The following AGBL1 variants were observed in gnomAD, a reference collection of about 807,000 sequenced individuals.
AGBL1 encodes the protein AGBL carboxypeptidase 1.
Under a neutral mutation model 118.9 loss-of-function variants are expected in AGBL1, and 130 were observed. The observed-to-expected ratio is 1.09, with a 90% CI of 0.95 to 1.26. The LOEUF is 1.26. AGBL1 is among the 50% of genes most tolerant of loss of function. AGBL1 has a pLI of 0.00. For synonymous variants in AGBL1, 555 were observed against 478.9 expected (o/e 1.16, Z -2.08); for missense variants, 1,584 against 1,298.1 (o/e 1.22, Z -3.38).
intron 17 of AGBL1, among the ~76,000 whole-genome samples, chr15:86,320,733 G>A (rs1341563483): frequency 2.6e-5 from 4 of 151,916 alleles, no homozygotes; most frequent in Non-Finnish European, 5.9e-5. Context: ...GTGTGTGTGT[G>A]TGTGTGTGTG....
At chr15:86,886,949 A>G (rs1335613921) in intron 22 of AGBL1, among the ~76,000 whole-genome samples, 1 of 152,148 alleles carries the variant, frequency 6.6e-6, no homozygotes, top group East Asian at 1.9e-4. Context: ...AGTCTCCAAA[A>G]CAGAAGATGA....
intron 22 of AGBL1, among the ~76,000 whole-genome samples, chr15:86,767,248 T>A (rs1353604228): frequency 6.6e-6 from 1 of 151,940 alleles, no homozygotes. Context: ...CCTCCGGTCA[T>A]CACTCTAGTA....
In AGBL1 at chr15:86,907,633, G is replaced by A. The variant is rs1483612794; in HGVS notation, c.*339G>A. ...CATTCTTGTGCTTGAACTGGAGCAA[G>A]CTGGAAGTAGAGGAGTTGGGCTTCT... On this transcript the variant is annotated 3_prime_UTR_variant, in exon 23 of 23. Coordinates refer to ENST00000614907, the MANE Select transcript of AGBL1 (RefSeq NM_001386094.1). 2.6e-5 allele frequency: 4 copies of A among 152,190 alleles called. No homozygotes were observed. The highest frequency in any genetic ancestry group is 9.7e-5 in the African/African-American group (4 of 41,434). 9.4% of individuals were successfully genotyped at this position (152,190 alleles called of 1,614,324 possible).
intron 1 of AGBL1, among the ~76,000 whole-genome samples, chr15:86,100,377 T>C (rs1896640547): frequency 6.6e-6 from 1 of 152,166 alleles, no homozygotes; most frequent in South Asian, 2.1e-4. Context: ...CCTCTTCAAT[T>C]TTTTGGAATA....
At chr15:86,961,298 C>T (rs961406932) in intron 23 of AGBL1, among the ~76,000 whole-genome samples, 1 of 151,888 alleles carries the variant, frequency 6.6e-6, no homozygotes, top group Non-Finnish European at 1.5e-5. Flanking sequence ...ATAAATCTAC[C>T]CAGGCTTTAG....
intron 22 of AGBL1, among the ~76,000 whole-genome samples, chr15:86,736,061 T>C (rs2141225268): frequency 6.6e-6 from 1 of 152,178 alleles, no homozygotes; most frequent in South Asian, 2.1e-4. Flanking sequence ...AGCTCAGCAT[T>C]GCAAAGGAGA....
chr15:86,412,226 A>G (rs181855532), intron 18 of AGBL1, among the ~76,000 whole-genome samples: 5 of 152,326 alleles, frequency 3.3e-5, no homozygotes, highest in Admixed American at 2.0e-4. Context: ...CAAGTCGAGG[A>G]CACAGTACAC....
rs1226597325 is a variant in AGBL1 at position 86,989,332 on chromosome 15, A to C, written c.3323+1244A>C. Among the ~76,000 whole-genome samples the C allele has an allele frequency of 4.6e-5, 7 of 152,152 alleles. No individual in the cohort carries two copies. The South Asian group carries it at 1.2e-3, about 27-fold the overall frequency. The stretch of plus-strand genomic sequence containing the variant: ...TGTGATTTTTAAATCAATGCTTCTA[A>C]GCTTTTACTGTAAAGTCTGATGGAT... On this transcript the variant is annotated intron_variant, in intron 24 of 24. Coordinates refer to the AGBL1 transcript ENST00000441037.
At chr15:86,983,165 A>G (rs1224443214) in intron 23 of AGBL1, among the ~76,000 whole-genome samples, 2 of 152,026 alleles carry the variant, frequency 1.3e-5, no homozygotes, top group East Asian at 1.9e-4. Context: ...TTTTGAATGT[A>G]TATTGATCTT....
At chr15:86,117,859 T>G (rs1045273622) in intron 1 of AGBL1, among the ~76,000 whole-genome samples, 2 of 152,142 alleles carry the variant, frequency 1.3e-5, no homozygotes, top group African/African-American at 4.8e-5. Context: ...GGACCTGTGA[T>G]TTGGTGATTT....
At chr15:86,807,726 T>C (rs576871977) in intron 22 of AGBL1, among the ~76,000 whole-genome samples, 22 of 152,168 alleles carry the variant, frequency 1.4e-4, no homozygotes, top group Admixed American at 1.3e-3. Flanking sequence ...TGGAAGTGAA[T>C]CCTCACTCTG....
At chr15:86,715,378 C>T (rs1054889294) in intron 22 of AGBL1, among the ~76,000 whole-genome samples, 1 of 152,216 alleles carries the variant, frequency 6.6e-6, no homozygotes, top group African/African-American at 2.4e-5. Flanking sequence ...CTGCCCCTCA[C>T]ACAGCTACAA....
chr15:86,385,640 G>A (rs940807424), intron 17 of AGBL1, among the ~76,000 whole-genome samples: 5 of 152,128 alleles, frequency 3.3e-5, no homozygotes, highest in Non-Finnish European at 7.3e-5. Flanking sequence ...ACATCCTCAG[G>A]GTTTGGTATA....
rs76625634 is a variant in AGBL1 at position 86,806,740 on chromosome 15, A to G, written c.3159-100347A>G. ...GTGCTGCTACTTATAAAGTAATATAAAAGTTCTCATTATTATTTTATATTA... is the reference window on the plus strand; with the variant it reads ...GTGCTGCTACTTATAAAGTAATATAGAAGTTCTCATTATTATTTTATATTA... On this transcript the variant is annotated intron_variant, in intron 22 of 22. Coordinates refer to ENST00000614907, the MANE Select transcript of AGBL1 (RefSeq NM_001386094.1). Among the ~76,000 whole-genome samples the G allele has an allele frequency of 4.9e-3, 740 of 151,608 alleles. 8 individuals carry two copies. The highest frequency in any genetic ancestry group is 0.017 in the African/African-American group (700 of 41,450).
chr15:86,197,618 C>A (rs543169117), intron 5 of AGBL1, among the ~76,000 whole-genome samples: 1 of 152,114 alleles, frequency 6.6e-6, no homozygotes, highest in South Asian at 2.1e-4. Flanking sequence ...AAGAAATTGA[C>A]AAAGGAATTG....
At chr15:86,470,289 GACTATCTAGTTTTTTC>G (rs1268579167) in intron 18 of AGBL1, among the ~76,000 whole-genome samples, 3 of 152,082 alleles carry the variant, frequency 2.0e-5, no homozygotes, top group Non-Finnish European at 2.9e-5. Context: ...TTTTGCATGT[GACTATCTAGTTTTTTC>G]AAAATCAATT....
At chr15:86,947,500 T>C (rs1055854911) in intron 23 of AGBL1, among the ~76,000 whole-genome samples, 6 of 152,234 alleles carry the variant, frequency 3.9e-5, no homozygotes, top group South Asian at 2.1e-4. Flanking sequence ...TGCCTGATCA[T>C]GGCTTCAGGG....
At position 86,095,646 on chromosome 15, in the gene AGBL1, C is replaced by CTTTTTTTTTTTTTTTTTTTTTTTTTT. The variant is rs1896319963; in HGVS notation, c.51+15623_51+15624insTTTTTTTTTTTTTTTTTTTTTTTTTT. Among the ~76,000 whole-genome samples, 9 of 116,684 alleles carry CTTTTTTTTTTTTTTTTTTTTTTTTTT rather than the reference C, an allele frequency of 7.7e-5. 4 individuals carry two copies. Among genetic ancestry groups the CTTTTTTTTTTTTTTTTTTTTTTTTTT allele is most frequent in the African/African-American group, 9.4e-5 (3 of 31,940 alleles). 76.5% of individuals were successfully genotyped at this position (116,684 alleles called of 152,430 possible). On this transcript the variant is annotated intron_variant, in intron 1 of 22. Transcript: ENST00000614907. ...TCATAATGTCACATGACCTTGGATA[C>CTTTTTTTTTTTTTTTTTTTTTTTTTT]CTTTTTTTTTTTTTTTTTTTTTTTT... is the stretch of plus-strand genomic sequence containing the variant.
intron 22 of AGBL1, among the ~76,000 whole-genome samples, chr15:86,748,664 A>G (rs1273152033): frequency 6.6e-6 from 1 of 151,184 alleles, no homozygotes; most frequent in Non-Finnish European, 1.5e-5. Context: ...TAAGTCTTTA[A>G]TCCATCTTGA....
Sources: gnomAD v4.1 joint callset for allele counts (sites outside exome capture counted in the v4.1 genomes callset) on GRCh38, gnomAD v4.1.1 for gene constraint, MANE v1.5 for transcripts, NCBI Gene and HGNC (gene_info 2026-07-23, HGNC 2026-07-21) for gene names.